LNPEP: variants seen among roughly 807,000 people sequenced by gnomAD.
The protein encoded by LNPEP is leucyl-cystinyl aminopeptidase.
In LNPEP, 64 loss-of-function variants were observed where a neutral mutation model predicts 120.6. That is an observed-to-expected ratio of 0.53 (90% confidence interval 0.43 to 0.65). The LOEUF is 0.65. Among genes scored for constraint, LNPEP ranks in the 30% least tolerant of loss-of-function variants. The pLI is 0.00. For missense variants in LNPEP, 1,057 were observed against 1,200.0 expected, an observed-to-expected ratio of 0.88 and a Z score of 1.76; for synonymous variants, 435 against 425.4, an observed-to-expected ratio of 1.02 and a Z score of -0.28.
chr5:96,945,554 T>C (rs1196739386), intron 1 of LNPEP, among the ~76,000 whole-genome samples: 2 of 152,180 alleles, frequency 1.3e-5, no homozygotes, highest in Non-Finnish European at 2.9e-5. Context: ...CTGCTATCTG[T>C]TGTGTGATGT....
At chr5:96,989,312 A>G (rs1582008093) in intron 4 of LNPEP, among the ~76,000 whole-genome samples, 1 of 134,166 alleles carries the variant, frequency 7.5e-6, no homozygotes, top group African/African-American at 2.7e-5. Context: ...TATATTGTAT[A>G]TTATATATAA....
At chr5:97,003,141 G>A (rs1307572466) in intron 8 of LNPEP, among the ~76,000 whole-genome samples, 1 of 152,114 alleles carries the variant, frequency 6.6e-6, no homozygotes, top group Non-Finnish European at 1.5e-5. Context: ...TTGAAACAGT[G>A]AGTATACCAA....
chr5:97,022,600 T>A, intron 14 of LNPEP, 116 bp downstream of exon 14: 1 of 838,836 alleles, frequency 1.2e-6, no homozygotes, highest in Non-Finnish European at 1.9e-6. Context: ...AGTGTCAGTG[T>A]AGGTGAACTC....
intron 8 of LNPEP, 26 bp from the exon 9 acceptor site, chr5:97,003,388 CT>C: frequency 1.5e-6 from 2 of 1,294,846 alleles, no homozygotes; most frequent in South Asian, 2.7e-5. Context: ...TATTTTCTTT[CT>C]TTTTCCTCAC....
At chr5:97,022,744 G>A (rs199799925) in intron 14 of LNPEP, among the ~76,000 whole-genome samples, 4 of 147,496 alleles carry the variant, frequency 2.7e-5, no homozygotes, top group Admixed American at 6.7e-5. Context: ...CCATTAACTC[G>A]TCATTTAGCA....
rs1470081075 is a variant in LNPEP, at chr5:96,954,624, A to C, written c.19+18450A>C. On this transcript the variant is annotated intron_variant, in intron 1 of 17. Coordinates refer to ENST00000231368, the MANE Select transcript of LNPEP (RefSeq NM_005575.3). ...TCTCTCTCTCTCTCTCTCTCTATAT[A>C]TATATATACATATATACATATATAC... Among the ~76,000 whole-genome samples, 59 of 121,178 alleles carry C rather than the reference A, an allele frequency of 4.9e-4. 15 individuals carry two copies. The highest frequency in any genetic ancestry group is 8.3e-3 in the Middle Eastern group (2 of 242). 79.5% of individuals were successfully genotyped at this position (121,178 alleles called of 152,430 possible). A position where few individuals can be genotyped will look rare whatever the true frequency, so the allele number is the denominator to read the frequency against.
chr5:97,008,432 CCT>C (rs1409242500), intron 11 of LNPEP, among the ~76,000 whole-genome samples: 2 of 141,404 alleles, frequency 1.4e-5, no homozygotes, highest in African/African-American at 5.4e-5. Flanking sequence ...CCCACTGCAG[CCT>C]CAAACCCCTG....
chr5:96,953,480 CCTT>C (rs972577873), intron 1 of LNPEP, among the ~76,000 whole-genome samples: 1 of 152,192 alleles, frequency 6.6e-6, no homozygotes, highest in African/African-American at 2.4e-5. Context: ...CCTCTACCCT[CCTT>C]CTCCCACGTT....
At chr5:97,026,513 G>C in intron 15 of LNPEP, 104 bp from the exon 16 acceptor site, 1 of 837,348 alleles carries the variant, frequency 1.2e-6, no homozygotes, top group Non-Finnish European at 1.9e-6. Context: ...TTCTCAATTT[G>C]CTACACAGCT....
intron 1 of LNPEP, among the ~76,000 whole-genome samples, chr5:96,964,804 G>C (rs571135849): frequency 6.6e-6 from 1 of 152,240 alleles, no homozygotes; most frequent in East Asian, 1.9e-4. Flanking sequence ...TTATGTTTGA[G>C]ATCATGTGAA....
In LNPEP at chr5:97,015,033, A is replaced by G. The variant is rs751933040; in HGVS notation, c.2314A>G (p.Thr772Ala). 8 of 1,603,880 alleles carry G rather than the reference A, an allele frequency of 5.0e-6. No individual in the cohort carries two copies. In the South Asian group the frequency reaches 7.9e-5, roughly 16 times the overall value. The stretch of plus-strand genomic sequence containing the variant: ...ACCCATCACCGAAGCCCTGTTTCAG[A>G]CAGACCTCATCTATAACCTCCTTGA... ...TAPITEALFQ[T>A]DLIYNLLEKL... The change falls in exon 13 of 18, where the codon ACA becomes GCA. Residue 772 changes from threonine (T) to alanine (A), a missense_variant. By Grantham distance (58) the Thr-to-Ala change is moderately conservative. Transcript: ENST00000231368.
At chr5:97,005,841 A>G (rs1171668614) in intron 9 of LNPEP, among the ~76,000 whole-genome samples, 1 of 152,144 alleles carries the variant, frequency 6.6e-6, no homozygotes, top group Non-Finnish European at 1.5e-5. Context: ...TCACTCCCTT[A>G]GCTATCACTT....
At chr5:96,944,560 C>CTTTTTTTTTTTTTT (rs60017687) in intron 1 of LNPEP, among the ~76,000 whole-genome samples, 5 of 56,372 alleles carry the variant, frequency 8.9e-5, no homozygotes, top group East Asian at 6.1e-4. Context: ...CTTATTTTTG[C>CTTTTTTTTTTTTTT]TTTTTTTTTT....
chr5:96,969,600 C>T (rs1374829114), intron 1 of LNPEP, among the ~76,000 whole-genome samples: 1 of 151,970 alleles, frequency 6.6e-6, no homozygotes, highest in Non-Finnish European at 1.5e-5. Flanking sequence ...TGCACCAGGA[C>T]AATGGTATGT....
At chr5:97,007,402 A>G (rs549444253) in intron 11 of LNPEP, among the ~76,000 whole-genome samples, 16 of 152,186 alleles carry the variant, frequency 1.1e-4, no homozygotes, top group Non-Finnish European at 1.9e-4. Context: ...TACAAAAGAG[A>G]TAGTAATTAT....
At chr5:96,953,085 C>T (rs951527762) in intron 1 of LNPEP, among the ~76,000 whole-genome samples, 10 of 152,102 alleles carry the variant, frequency 6.6e-5, no homozygotes, top group Non-Finnish European at 1.3e-4. Context: ...AGCTTTGCCC[C>T]GGGCCTAACC....
intron 4 of LNPEP, among the ~76,000 whole-genome samples, chr5:96,986,883 ATTTTACT>A (rs1396335872): frequency 6.6e-6 from 1 of 152,196 alleles, no homozygotes; most frequent in East Asian, 1.9e-4. Context: ...GTTTTAAAAA[ATTTTACT>A]TTTAAAGAGA....
At position 97,026,637 on chromosome 5, in the gene LNPEP, A is replaced by G. The variant is rs1791347292; in HGVS notation, c.2744A>G (p.Asn915Ser). The G allele has an allele frequency of 6.2e-7, 1 of 1,613,404 alleles. No homozygotes were observed. Among genetic ancestry groups the G allele is most frequent in the African/African-American group, 1.3e-5 (1 of 75,040 alleles). The part of the protein sequence containing the change: ...KLYWLMKSSL[N>S]GDNFRTQKLS... ...TTCAGGTTAATGAAAAGTAGCCTGAATGGAGATAACTTCCGAACACAGAAG... is the reference window on the plus strand; with the variant it reads ...TTCAGGTTAATGAAAAGTAGCCTGAGTGGAGATAACTTCCGAACACAGAAG... Residue 915 changes from asparagine to serine, a missense_variant, in exon 16 of 18, where the codon AAT becomes AGT. Physicochemically the swap from Asn to Ser is conservative, Grantham distance 46. Transcript: ENST00000231368.
chr5:96,988,974 C>A (rs1790308248), intron 4 of LNPEP, among the ~76,000 whole-genome samples: 1 of 151,946 alleles, frequency 6.6e-6, no homozygotes, highest in Admixed American at 6.6e-5. Flanking sequence ...CTGAATTATT[C>A]ATTGCCCACA....
Sources: allele counts gnomAD v4.1 joint callset (sites outside exome capture counted in the v4.1 genomes callset), GRCh38; gene constraint gnomAD v4.1.1; transcripts MANE v1.5; gene names NCBI Gene and HGNC (gene_info 2026-07-23, HGNC 2026-07-21).